The following FSIP2 variants were observed in gnomAD, a reference collection of about 807,000 sequenced individuals.
FSIP2 encodes the protein fibrous sheath-interacting protein 2.
A neutral mutation model predicts 510.5 loss-of-function variants in FSIP2; 367 were observed. The ratio of observed to expected loss-of-function variants is 0.72; its 90% CI spans 0.66 to 0.78. The LOEUF is 0.78. Among genes scored for constraint, FSIP2 ranks in the 30% least tolerant of loss-of-function variants. The pLI is 0.00. For missense variants in FSIP2, 7,594 were observed against 7,901.7 expected, an observed-to-expected ratio of 0.96 and a Z score of 1.48; for synonymous variants, 2,601 against 2,732.2, an observed-to-expected ratio of 0.95 and a Z score of 1.50.
chr2:185,769,488 T>A (rs1692564677), intron 13 of FSIP2, among the ~76,000 whole-genome samples: 1 of 152,182 alleles, frequency 6.6e-6, no homozygotes, highest in African/African-American at 2.4e-5. Flanking sequence ...TTTTTTCTTA[T>A]AAATTTAAGT....
intron 14 of FSIP2, chr2:185,783,554 A>ATAAT (rs1489115778): frequency 1.3e-5 from 2 of 152,200 alleles, no homozygotes; most frequent in Non-Finnish European, 2.9e-5. Context: ...TCCTGAAATA[A>ATAAT]TAATTTTTAC....
chr2:185,808,171 AT>A lies in FSIP2; in HGVS notation c.18866del (p.Met6289ArgfsTer2). 6.2e-7 allele frequency: 1 copy of A among 1,611,334 alleles called. No homozygotes were observed. The highest frequency in any genetic ancestry group is 8.5e-7 in the Non-Finnish European group (1 of 1,178,840). On this transcript the variant is annotated frameshift_variant, in exon 17 of 23. Coordinates refer to ENST00000424728, the MANE Select transcript of FSIP2 (RefSeq NM_173651.4). LOFTEE classifies it high-confidence loss of function. ...NVLSDTIGFL[M>X]VNAISNSEFQ... is the part of the protein sequence containing the mutation. ...CCTCTCTGATACAATAGGCTTTTTA[AT>A]GGTGAATGCAATTTCGAATTCTGAA... is the stretch of plus-strand genomic sequence containing the variant.
chr2:185,800,420 A>ATTTATT lies in FSIP2; in HGVS notation c.11117_11122dup (p.Leu3706_Phe3707dup), dbSNP rs1000449429. 1.3e-6 allele frequency: 2 copies of ATTTATT among 1,527,742 alleles called. No homozygotes were observed. The highest frequency in any genetic ancestry group is 1.4e-5 in the African/African-American group (1 of 72,368). The allele number at this position is 1,527,742 out of a possible 1,614,324, so 94.6% of individuals were successfully genotyped here. A position where few individuals can be genotyped will look rare whatever the true frequency, so the allele number is the denominator to read the frequency against. On this transcript the variant is annotated inframe_insertion, in exon 17 of 23. Coordinates refer to ENST00000424728, the MANE Select transcript of FSIP2 (RefSeq NM_173651.4). The stretch of plus-strand genomic sequence containing the variant: ...AATAAAGTTTTTAATATTGTTTCAG[A>ATTTATT]TTTATTTTCACCAGATGAATGCCTA...
Position 185,756,219 on chromosome 2 carries a change from C to G in FSIP2, c.1019C>G (p.Ser340Cys). The G allele has an allele frequency of 7.6e-7, 1 of 1,322,972 alleles. No homozygotes were observed. The highest frequency in any genetic ancestry group is 1.9e-4 in the Middle Eastern group (1 of 5,358). 82.0% of individuals were successfully genotyped at this position (1,322,972 alleles called of 1,614,324 possible). A position where few individuals can be genotyped will look rare whatever the true frequency, so the allele number is the denominator to read the frequency against. ...HASPKNKKKT[S>C]EDIMLVYPAG... ...TCTCCAAAGAATAAAAAGAAGACTT[C>G]TGAAGATATAATGTTAGTTTATCCT... The change falls in exon 9 of 23, where the codon TCT becomes TGT. Residue 340 changes from serine (S) to cysteine (C), a missense_variant. By Grantham distance (112) the Ser-to-Cys change is moderately radical. Transcript: ENST00000424728.
At chr2:185,814,759 ATTAATT>A (rs1006144120) in intron 18 of FSIP2, among the ~76,000 whole-genome samples, 15 of 152,060 alleles carry the variant, frequency 9.9e-5, no homozygotes, top group African/African-American at 3.4e-4. Context: ...TAATTTTAGA[ATTAATT>A]TTAATTATTT....
In FSIP2 at chr2:185,761,049, C is replaced by A; in HGVS notation, c.1140C>A (p.Asn380Lys). The A allele has an allele frequency of 6.6e-7, 1 of 1,505,068 alleles. No individual in the cohort carries two copies. Among genetic ancestry groups the A allele is most frequent in the Non-Finnish European group, 8.9e-7 (1 of 1,123,404 alleles). The allele number at this position is 1,505,068 out of a possible 1,614,324, so 93.2% of individuals were successfully genotyped here. A position where few individuals can be genotyped will look rare whatever the true frequency, so the allele number is the denominator to read the frequency against. ...GTTCAAATAATTTTACGAAAAAAAA[C>A]TCAGCTTCTGTTGTTTATCAGGCAG... ...QNSSNNFTKK[N>K]SASVVYQADV... Residue 380 changes from asparagine (N) to lysine (K), a missense_variant, in exon 10 of 23, where the codon AAC (asparagine) becomes AAA (lysine). Physicochemically the swap from Asn to Lys is moderately conservative, Grantham distance 94 (BLOSUM62 0). Transcript: ENST00000424728.
chr2:185,793,365 C>T lies in FSIP2; in HGVS notation c.6229C>T (p.Leu2077Phe). 3.3e-6 allele frequency: 5 copies of T among 1,533,914 alleles called. No individual in the cohort carries two copies. Among genetic ancestry groups the T allele is most frequent in the East Asian group, 2.4e-5 (1 of 40,828 alleles). ...GCAAAAAGGTGTTATTGAAAAGCTG[C>T]TCAATGAGACCAAATATCGAAAAGT... ...DQQKGVIEKL[L>F]NETKYRKVLQ... Residue 2077 changes from leucine (L) to phenylalanine (F), a missense_variant, in exon 16 of 23, where the codon CTC (leucine) becomes TTC (phenylalanine). Leu to Phe is a conservative substitution (Grantham distance 22). Coordinates refer to ENST00000424728, the MANE Select transcript of FSIP2 (RefSeq NM_173651.4).
intron 2 of FSIP2, among the ~76,000 whole-genome samples, chr2:185,740,071 G>C (rs141296659): frequency 1.3e-5 from 2 of 152,132 alleles, no homozygotes; most frequent in Non-Finnish European, 2.9e-5. Context: ...TCTCCAACCA[G>C]AGAGGCTCAG....
In FSIP2 at chr2:185,809,084, G is replaced by C; in HGVS notation, c.19778G>C (p.Arg6593Thr). The C allele has an allele frequency of 6.3e-7, 1 of 1,598,932 alleles. No individual in the cohort carries two copies. The highest frequency in any genetic ancestry group is 8.5e-7 in the Non-Finnish European group (1 of 1,175,518). ...SPDLEKRKTE[R>T]RTSLDKTGRL... ...GATTTAGAAAAGAGAAAGACAGAAAGACGTACCTCATTGGATAAGACTGGA... is the reference window on the plus strand; with the variant it reads ...GATTTAGAAAAGAGAAAGACAGAAACACGTACCTCATTGGATAAGACTGGA... Residue 6593 changes from arginine (R) to threonine (T), a missense_variant, in exon 17 of 23, where the codon AGA becomes ACA. By Grantham distance (71) the Arg-to-Thr change is moderately conservative. Transcript: ENST00000424728.
chr2:185,793,184 G>A lies in FSIP2; in HGVS notation c.6048G>A (p.Gln2016=). The change falls in exon 16 of 23, where the codon CAG becomes CAA. Residue 2016 remains glutamine (Q), a synonymous_variant. Coordinates refer to ENST00000424728, the MANE Select transcript of FSIP2 (RefSeq NM_173651.4). ...VARRNLQGIK[Q]ELDKERENPF... ...GAAGAAATTTACAAGGAATCAAACAGGAATTAGATAAAGAAAGGGAAAATC... is the reference window on the plus strand; with the variant it reads ...GAAGAAATTTACAAGGAATCAAACAAGAATTAGATAAAGAAAGGGAAAATC... 6.5e-7 allele frequency: 1 copy of A among 1,533,786 alleles called. No individual in the cohort carries two copies. Among genetic ancestry groups the A allele is most frequent in the Admixed American group, 2.0e-5 (1 of 50,774 alleles).
At chr2:185,775,233 T>C (rs1692693647) in intron 13 of FSIP2, among the ~76,000 whole-genome samples, 1 of 148,652 alleles carries the variant, frequency 6.7e-6, no homozygotes, top group Non-Finnish European at 1.5e-5. Flanking sequence ...CCACATCCTC[T>C]CCAGCACCTG....
chr2:185,802,595 C>T lies in FSIP2; in HGVS notation c.13289C>T (p.Thr4430Ile). Reference sequence around the variant, plus strand: ...TTTTCTGGGGATTTTTCAGCTTCTACCTATTCTAATTCAGTGGCTGAGAAT... The same window carrying T: ...TTTTCTGGGGATTTTTCAGCTTCTATCTATTCTAATTCAGTGGCTGAGAAT... ...PLFSGDFSAS[T>I]YSNSVAENIV... Residue 4430 changes from threonine to isoleucine, a missense_variant, in exon 17 of 23, where the codon ACC (threonine) becomes ATC (isoleucine). Physicochemically the swap from Thr to Ile is moderately conservative, Grantham distance 89. Coordinates refer to ENST00000424728, the MANE Select transcript of FSIP2 (RefSeq NM_173651.4). The T allele has an allele frequency of 6.5e-7, 1 of 1,532,728 alleles. No individual in the cohort carries two copies. Among genetic ancestry groups the T allele is most frequent in the Non-Finnish European group, 8.7e-7 (1 of 1,144,970 alleles). 94.9% of individuals were successfully genotyped at this position (1,532,728 alleles called of 1,614,324 possible). A position where few individuals can be genotyped will look rare whatever the true frequency, so the allele number is the denominator to read the frequency against.
chr2:185,788,667 A>C lies in FSIP2; in HGVS notation c.1531A>C (p.Ile511Leu), dbSNP rs146269007. The C allele has an allele frequency of 6.8e-4, 1,035 of 1,516,454 alleles. 17 individuals carry two copies. The highest frequency in any genetic ancestry group is 6.0e-5 in the Non-Finnish European group (68 of 1,139,190). 93.9% of individuals were successfully genotyped at this position (1,516,454 alleles called of 1,614,324 possible). A position where few individuals can be genotyped will look rare whatever the true frequency, so the allele number is the denominator to read the frequency against. Residue 511 changes from isoleucine to leucine, a missense_variant, in exon 16 of 23, where the codon ATA (isoleucine) becomes CTA (leucine). By Grantham distance (5) the Ile-to-Leu change is conservative (BLOSUM62 2). Transcript: ENST00000424728. Reference protein sequence around the residue: ...EKVTSEELNIIIQNVMTWVVA... With the variant: ...EKVTSEELNILIQNVMTWVVA... Reference sequence around the variant, plus strand: ...GGTAACTTCTGAAGAACTGAATATTATAATTCAGAATGTAATGACCTGGGT... The same window carrying C: ...GGTAACTTCTGAAGAACTGAATATTCTAATTCAGAATGTAATGACCTGGGT...
At chr2:185,774,254 G>C (rs1008469156) in intron 13 of FSIP2, among the ~76,000 whole-genome samples, 7 of 152,040 alleles carry the variant, frequency 4.6e-5, no homozygotes, top group Admixed American at 1.3e-4. Context: ...ACTTCTTCCT[G>C]TATATAATGC....
Position 185,807,400 on chromosome 2 carries a change from A to G in FSIP2, c.18094A>G (p.Lys6032Glu). Residue 6032 changes from lysine to glutamate, a missense_variant, in exon 17 of 23, where the codon AAA becomes GAA. Physicochemically the swap from Lys to Glu is moderately conservative, Grantham distance 56. Transcript: ENST00000424728. ...SKIFSTISST[K>E]TKEPEDNLST... ...AATTTTCTCAACAATATCCAGCACA[A>G]AAACAAAAGAACCTGAGGACAATTT... is the stretch of plus-strand genomic sequence containing the variant. The G allele has an allele frequency of 6.2e-7, 1 of 1,608,228 alleles. No homozygotes were observed. The highest frequency in any genetic ancestry group is 8.5e-7 in the Non-Finnish European group (1 of 1,178,362).
At chr2:185,811,385 C>G (rs1229470012) in intron 17 of FSIP2, among the ~76,000 whole-genome samples, 2 of 150,870 alleles carry the variant, frequency 1.3e-5, no homozygotes, top group Non-Finnish European at 2.9e-5. Flanking sequence ...ATGAGAATCA[C>G]TTGAACCTGG....
At chr2:185,811,472 A>C (rs1255224900) in intron 17 of FSIP2, among the ~76,000 whole-genome samples, 1 of 151,894 alleles carries the variant, frequency 6.6e-6, no homozygotes, top group African/African-American at 2.4e-5. Flanking sequence ...CCACCTCAAA[A>C]AAAAAAAAAA....
rs541314773 is a variant in FSIP2 at position 185,791,174 on chromosome 2, G to A, written c.4038G>A (p.Thr1346=). Residue 1346 remains threonine, a synonymous_variant, in exon 16 of 23, where the codon ACG becomes ACA. Coordinates refer to ENST00000424728, the MANE Select transcript of FSIP2 (RefSeq NM_173651.4). ...NTDKKLESLV[T]SIDDDILASP... ...ATAAAAAATTAGAATCTCTTGTCACGAGTATTGATGATGACATTTTGGCGA... is the reference window on the plus strand; with the variant it reads ...ATAAAAAATTAGAATCTCTTGTCACAAGTATTGATGATGACATTTTGGCGA... The A allele has an allele frequency of 5.9e-6, 9 of 1,533,680 alleles. No individual in the cohort carries two copies. In the Admixed American group the frequency reaches 7.9e-5, roughly 13 times the overall value.
chr2:185,817,562 C>T (rs748461282), intron 19 of FSIP2, among the ~76,000 whole-genome samples: 4 of 152,086 alleles, frequency 2.6e-5, no homozygotes, highest in Non-Finnish European at 5.9e-5. Flanking sequence ...ATCTTCACTT[C>T]GGACTGTTTC....
Sources: gnomAD v4.1 joint callset for allele counts (sites outside exome capture counted in the v4.1 genomes callset) on GRCh38, gnomAD v4.1.1 for gene constraint, MANE v1.5 for transcripts, NCBI Gene and HGNC (gene_info 2026-07-23, HGNC 2026-07-21) for gene names.